ERC2: variants seen among roughly 807,000 people sequenced by gnomAD.
ERC2 encodes the protein ELKS/RAB6-interacting/CAST family member 2, also known as ERC protein 2.
ERC2 carries 42 observed loss-of-function variants against 114.8 expected under a neutral mutation model. That is an observed-to-expected ratio of 0.37 (90% CI 0.29 to 0.47). The LOEUF is 0.47. Among genes scored for constraint, ERC2 ranks in the 20% least tolerant of loss-of-function variants. The pLI, the probability that ERC2 is intolerant of heterozygous loss-of-function variation, is 0.99. For synonymous variants in ERC2, 454 were observed against 425.5 expected, an observed-to-expected ratio of 1.07 and a Z score of -0.82; for missense variants, 939 against 1,150.7, an observed-to-expected ratio of 0.82 and a Z score of 2.66.
chr3:56,465,333 A>G (rs1293817201), intron 1 of ERC2, among the ~76,000 whole-genome samples: 1 of 152,242 alleles, frequency 6.6e-6, no homozygotes, highest in African/African-American at 2.4e-5. Flanking sequence ...CGGGAGGCAG[A>G]GATTGCAGTG....
chr3:55,563,242 G>T (rs2056150654), intron 17 of ERC2, among the ~76,000 whole-genome samples: 1 of 151,866 alleles, frequency 6.6e-6, no homozygotes, highest in African/African-American at 2.4e-5. Context: ...AAGGTGGACT[G>T]TTGCCCTCTG....
At chr3:55,992,943 G>C (rs1229019183) in intron 10 of ERC2, among the ~76,000 whole-genome samples, 1 of 152,102 alleles carries the variant, frequency 6.6e-6, no homozygotes, top group East Asian at 1.9e-4. Flanking sequence ...CACATGCATG[G>C]GTGGGTGGCA....
chr3:55,773,442 C>CT (rs2068371602), intron 14 of ERC2, among the ~76,000 whole-genome samples: 1 of 152,230 alleles, frequency 6.6e-6, no homozygotes, highest in South Asian at 2.1e-4. Context: ...AAATCTTTCT[C>CT]TTTAACACTT....
intron 2 of ERC2, among the ~76,000 whole-genome samples, chr3:56,421,744 C>T (rs1473814340): frequency 6.6e-6 from 1 of 152,146 alleles, no homozygotes; most frequent in African/African-American, 2.4e-5. Context: ...CAACTGACCC[C>T]GATTCCCGCT....
chr3:56,000,777 G>A (rs1370425438), intron 10 of ERC2, among the ~76,000 whole-genome samples: 2 of 152,060 alleles, frequency 1.3e-5, no homozygotes, highest in East Asian at 3.9e-4. Flanking sequence ...AAGGAGGCAA[G>A]CACGGTGGCA....
chr3:56,032,894 A>G (rs2074462274), intron 7 of ERC2, among the ~76,000 whole-genome samples: 1 of 104,668 alleles, frequency 9.6e-6, no homozygotes, highest in African/African-American at 3.2e-5. Context: ...AAAGAGAGAG[A>G]GAGAGACAGA....
intron 3 of ERC2, among the ~76,000 whole-genome samples, chr3:56,220,516 T>C (rs2049833218): frequency 6.6e-6 from 1 of 152,156 alleles, no homozygotes; most frequent in South Asian, 2.1e-4. Context: ...GGCTGAGATG[T>C]CTCTCAGTCG....
chr3:56,311,253 C>CTATA (rs1419051347), intron 2 of ERC2, among the ~76,000 whole-genome samples: 5 of 43,526 alleles, frequency 1.1e-4, no homozygotes, highest in African/African-American at 3.6e-4. Context: ...CTCTCTCTCT[C>CTATA]TCTATATATA....
intron 13 of ERC2, among the ~76,000 whole-genome samples, chr3:55,913,702 A>G (rs1382923435): frequency 1.3e-5 from 2 of 152,206 alleles, no homozygotes; most frequent in Non-Finnish European, 2.9e-5. Context: ...TTTCCCAGAA[A>G]GAAGATGGGG....
At chr3:56,238,282 T>C (rs1219801863) in intron 3 of ERC2, among the ~76,000 whole-genome samples, 2 of 152,188 alleles carry the variant, frequency 1.3e-5, no homozygotes, top group Non-Finnish European at 2.9e-5. Context: ...CAAGACGAAA[T>C]AGGTGTTTAG....
At chr3:56,345,939 A>T (rs2058290206) in intron 2 of ERC2, among the ~76,000 whole-genome samples, 1 of 152,232 alleles carries the variant, frequency 6.6e-6, no homozygotes, top group Admixed American at 6.5e-5. Flanking sequence ...GGGAGAAGAA[A>T]GTAATCTAGC....
intron 1 of ERC2, among the ~76,000 whole-genome samples, chr3:56,442,060 ACTCACATC>A (rs545297294): frequency 1.2e-4 from 18 of 152,136 alleles, no homozygotes; most frequent in African/African-American, 4.3e-4. Context: ...AACAATTTAT[ACTCACATC>A]CTTACTCTTG....
chr3:55,839,554 CAG>C (rs1194309354), intron 14 of ERC2, among the ~76,000 whole-genome samples: 2 of 150,942 alleles, frequency 1.3e-5, no homozygotes, highest in African/African-American at 4.9e-5. Context: ...GCACAAAAGA[CAG>C]AAAGAAAAAA....
At chr3:56,163,314 C>T (rs759095756) in intron 4 of ERC2, among the ~76,000 whole-genome samples, 6 of 151,960 alleles carry the variant, frequency 3.9e-5, no homozygotes, top group Non-Finnish European at 8.8e-5. Flanking sequence ...GTATGTTCCA[C>T]GTGCAGGTGG....
intron 17 of ERC2, among the ~76,000 whole-genome samples, chr3:55,579,655 C>A (rs1223063436): frequency 1.3e-5 from 2 of 152,172 alleles, no homozygotes; most frequent in Non-Finnish European, 2.9e-5. Flanking sequence ...GTGGGAAAGC[C>A]CTCGGTTTAC....
At chr3:56,214,960 C>CT (rs1374193465) in intron 3 of ERC2, among the ~76,000 whole-genome samples, 1 of 152,162 alleles carries the variant, frequency 6.6e-6, no homozygotes, top group Non-Finnish European at 1.5e-5. Flanking sequence ...CTTGTCATCA[C>CT]CATGCCTGCC....
intron 14 of ERC2, among the ~76,000 whole-genome samples, chr3:55,871,588 G>A (rs1283738599): frequency 6.6e-6 from 1 of 152,186 alleles, no homozygotes; most frequent in East Asian, 1.9e-4. Context: ...ATTCGGCCAA[G>A]AAGTTGAAAA....
chr3:56,262,580 T>A (rs932303179), intron 3 of ERC2, among the ~76,000 whole-genome samples: 35 of 152,222 alleles, frequency 2.3e-4, no homozygotes, highest in Non-Finnish European at 1.0e-4. Context: ...GCTGTCAATT[T>A]TACTGGAAAA....
chr3:55,881,946 C>A (rs2149306315), intron 14 of ERC2, among the ~76,000 whole-genome samples: 1 of 152,222 alleles, frequency 6.6e-6, no homozygotes, highest in South Asian at 2.1e-4. Context: ...TTTCTTCCAG[C>A]AGAGGAATAA....
Sources: allele counts gnomAD v4.1 joint callset (sites outside exome capture counted in the v4.1 genomes callset), GRCh38; gene constraint gnomAD v4.1.1; transcripts MANE v1.5; gene names NCBI Gene and HGNC (gene_info 2026-07-23, HGNC 2026-07-21).